SPATS2: variants seen among roughly 807,000 people sequenced by gnomAD.
SPATS2 encodes the protein spermatogenesis-associated serine-rich protein 2.
SPATS2 carries 38 observed loss-of-function variants against 63.7 expected under a neutral mutation model. That is an observed-to-expected ratio of 0.60 (90% confidence interval 0.46 to 0.78). The LOEUF (loss-of-function observed/expected upper bound fraction) is 0.78, where lower values mean the gene tolerates loss of function less well. SPATS2 is among the 30% of genes least tolerant of loss of function. The pLI, the probability that SPATS2 is intolerant of heterozygous loss-of-function variation, is 0.00. For synonymous variants in SPATS2, 207 were observed against 232.9 expected (o/e 0.89, Z 1.01); for missense variants, 588 against 666.2 (o/e 0.88, Z 1.29).
chr12:49,368,100 G>A (rs1323614090), intron 1 of SPATS2, among the ~76,000 whole-genome samples: 2 of 152,156 alleles, frequency 1.3e-5, no homozygotes, highest in Admixed American at 6.5e-5. Flanking sequence ...CAGACGCAGA[G>A]ACATAAAATA....
At chr12:49,470,215 A>G (rs1592431371) in intron 3 of SPATS2, among the ~76,000 whole-genome samples, 1 of 152,044 alleles carries the variant, frequency 6.6e-6, no homozygotes, top group East Asian at 1.9e-4. Context: ...TATTTTTAGT[A>G]GAGACGGGTT....
chr12:49,504,777 T>G (rs796493088), intron 9 of SPATS2, among the ~76,000 whole-genome samples: 1 of 146,406 alleles, frequency 6.8e-6, no homozygotes, highest in East Asian at 1.9e-4. Flanking sequence ...TTTCTTTTTT[T>G]TTTTTTTTTT....
intron 2 of SPATS2, among the ~76,000 whole-genome samples, chr12:49,437,759 A>G (rs1592395859): frequency 6.6e-6 from 1 of 152,114 alleles, no homozygotes; most frequent in East Asian, 1.9e-4. Flanking sequence ...GGGAGGTTGC[A>G]GTGAGCCGAG....
intron 9 of SPATS2, among the ~76,000 whole-genome samples, chr12:49,512,587 A>AT (rs1270811761): frequency 6.6e-6 from 1 of 152,222 alleles, no homozygotes; most frequent in Non-Finnish European, 1.5e-5. Flanking sequence ...ACTAGCACAA[A>AT]TTTCCACAAA....
intron 2 of SPATS2, among the ~76,000 whole-genome samples, chr12:49,375,499 G>T (rs1207277568): frequency 6.6e-6 from 1 of 152,112 alleles, no homozygotes; most frequent in Non-Finnish European, 1.5e-5. Context: ...TGTCAGTGTG[G>T]TTAGCCCACT....
intron 2 of SPATS2, among the ~76,000 whole-genome samples, chr12:49,428,859 T>C (rs1945129621): frequency 1.3e-5 from 2 of 152,198 alleles, no homozygotes; most frequent in African/African-American, 2.4e-5. Flanking sequence ...AGCTGCTTGC[T>C]GAGGACCGGA....
In SPATS2 at chr12:49,521,764, G is replaced by A. The variant is rs576354723; in HGVS notation, c.1009-987G>A. 2.6e-4 allele frequency among the ~76,000 whole-genome samples: 39 copies of A among 152,136 alleles called. No homozygotes were observed. The South Asian group carries it at 5.0e-3, about 19-fold the overall frequency. ...AGAATTTGTTTCAGAATTAATCTCAGACTGATATTACATGTCTGAAGGCTT... is the reference window on the plus strand; with the variant it reads ...AGAATTTGTTTCAGAATTAATCTCAAACTGATATTACATGTCTGAAGGCTT... On this transcript the variant is annotated intron_variant, in intron 11 of 13. Transcript: ENST00000552918.
At chr12:49,491,654 T>C (rs1946385027) in intron 6 of SPATS2, among the ~76,000 whole-genome samples, 1 of 152,220 alleles carries the variant, frequency 6.6e-6, no homozygotes, top group South Asian at 2.1e-4. Context: ...CCTGTTCCAC[T>C]ATCTACTGGC....
intron 8 of SPATS2, among the ~76,000 whole-genome samples, chr12:49,498,132 C>CAAAA (rs71439501): frequency 1.4e-4 from 16 of 117,296 alleles, no homozygotes; most frequent in African/African-American, 5.1e-4. Flanking sequence ...CCAATCAAGC[C>CAAAA]AAAAAAAAAA....
At chr12:49,524,398 A>G (rs910425891) in intron 12 of SPATS2, among the ~76,000 whole-genome samples, 1 of 152,220 alleles carries the variant, frequency 6.6e-6, no homozygotes, top group Admixed American at 6.5e-5. Context: ...AGGTAGTACT[A>G]GATCCAATCC....
At chr12:49,448,709 T>A in intron 2 of SPATS2, among the ~76,000 whole-genome samples, 1 of 136,798 alleles carries the variant, frequency 7.3e-6, no homozygotes, top group East Asian at 2.1e-4. Flanking sequence ...TGAGACCCTG[T>A]CTCAAAAAAA....
Position 49,497,540 on chromosome 12 carries a change from G to C in SPATS2, c.703+531G>C, listed in dbSNP as rs185293807. The stretch of plus-strand genomic sequence containing the variant: ...CTACCAAGTAGCTGGGACTACAGGC[G>C]AGTGCCACCATGCCCGGCTATTTTT... On this transcript the variant is annotated intron_variant, in intron 8 of 13. Transcript: ENST00000552918. Among the ~76,000 whole-genome samples the C allele has an allele frequency of 4.6e-5, 7 of 151,980 alleles. No homozygotes were observed. The South Asian group carries it at 8.3e-4, about 18-fold the overall frequency.
At chr12:49,514,274 T>C (rs1172208671) in intron 9 of SPATS2, among the ~76,000 whole-genome samples, 1 of 152,228 alleles carries the variant, frequency 6.6e-6, no homozygotes, top group Admixed American at 6.5e-5. Context: ...TGCCATCTGC[T>C]GGTTCTCAAC....
chr12:49,521,209 A>G (rs1439236608), intron 11 of SPATS2, among the ~76,000 whole-genome samples: 8 of 152,162 alleles, frequency 5.3e-5, no homozygotes, highest in Admixed American at 5.2e-4. Flanking sequence ...CATAAGATTT[A>G]TTGTCACACT....
At chr12:49,470,313 T>A (rs1444144403) in intron 3 of SPATS2, among the ~76,000 whole-genome samples, 1 of 152,194 alleles carries the variant, frequency 6.6e-6, no homozygotes, top group Non-Finnish European at 1.5e-5. Flanking sequence ...ATTACAGGCA[T>A]GAGCCACCAC....
At chr12:49,506,648 A>C (rs1214174120) in intron 9 of SPATS2, among the ~76,000 whole-genome samples, 1 of 152,084 alleles carries the variant, frequency 6.6e-6, no homozygotes, top group Non-Finnish European at 1.5e-5. Context: ...GGAGTTCAAG[A>C]CCAGCCTAGG....
At chr12:49,498,142 A>AT (rs202155563) in intron 8 of SPATS2, among the ~76,000 whole-genome samples, 10,146 of 118,418 alleles carry the variant, frequency 0.086, 401 homozygotes, top group East Asian at 0.1. Flanking sequence ...CAAAAAAAAA[A>AT]AAAATATATA....
At chr12:49,394,301 T>G (rs199889716) in intron 2 of SPATS2, among the ~76,000 whole-genome samples, 1 of 142,154 alleles carries the variant, frequency 7.0e-6, no homozygotes, top group East Asian at 2.0e-4. Flanking sequence ...ATCGAGTCAC[T>G]GCACTCCAGT....
At chr12:49,525,655 T>C (rs1947019785) in intron 13 of SPATS2, among the ~76,000 whole-genome samples, 1 of 152,174 alleles carries the variant, frequency 6.6e-6, no homozygotes, top group Non-Finnish European at 1.5e-5. Flanking sequence ...CGAGGGCTTG[T>C]AACAACCCAG....
Sources: gnomAD v4.1 joint callset for allele counts (sites outside exome capture counted in the v4.1 genomes callset) on GRCh38, gnomAD v4.1.1 for gene constraint, MANE v1.5 for transcripts, NCBI Gene and HGNC (gene_info 2026-07-23, HGNC 2026-07-21) for gene names.